RWDD2A: variants seen among roughly 807,000 people sequenced by gnomAD.
RWDD2A encodes RWD domain containing 2A, also known as RWD domain-containing protein 2A.
RWDD2A carries 15 observed loss-of-function variants against 23.1 expected under a neutral mutation model. The ratio of observed to expected loss-of-function variants is 0.65; its 90% confidence interval spans 0.43 to 1.00. The LOEUF is 1.00. Ranked by LOEUF, RWDD2A falls within the 50% of genes least tolerant of loss-of-function variation. RWDD2A has a pLI of 0.00. For synonymous variants in RWDD2A, 103 were observed against 123.0 expected (o/e 0.84, Z 1.08); for missense variants, 310 against 341.7 (o/e 0.91, Z 0.73).
At chr6:83,195,237 T>C (rs2128518772) in intron 2 of RWDD2A, among the ~76,000 whole-genome samples, 1 of 152,352 alleles carries the variant, frequency 6.6e-6, no homozygotes, top group Admixed American at 6.5e-5. Flanking sequence ...GTCCCGCTGG[T>C]TACACACTTC....
chr6:83,194,243 A>T, intron 1 of RWDD2A, 69 bp from the exon 2 acceptor site: 1 of 547,878 alleles, frequency 1.8e-6, no homozygotes, highest in South Asian at 2.5e-5. Context: ...GTTTTAGAGG[A>T]TGTTGTGCAT....
chr6:83,194,140 A>C (rs1250729029), intron 1 of RWDD2A, among the ~76,000 whole-genome samples, 172 bp from the exon 2 acceptor site: 2 of 151,422 alleles, frequency 1.3e-5, no homozygotes, highest in Non-Finnish European at 2.9e-5. Flanking sequence ...AGTTCCAAAC[A>C]CCTGTTGAAA....
At chr6:83,195,423 C>A (rs1190324878) in intron 2 of RWDD2A, 172 bp from the exon 3 acceptor site, 1 of 630,514 alleles carries the variant, frequency 1.6e-6, no homozygotes, top group Non-Finnish European at 2.7e-6. Context: ...ACCTGGCACA[C>A]GTAGTTGTTC....
chr6:83,198,629 A>G lies in RWDD2A; in HGVS notation c.*2357A>G, dbSNP rs895028292. On this transcript the variant is annotated 3_prime_UTR_variant, in exon 3 of 3. Coordinates refer to ENST00000369724, the MANE Select transcript of RWDD2A (RefSeq NM_033411.5). Reference sequence around the variant, plus strand: ...CTGTGTGATTTGGGAAGAGAAAGTGATAGGAATCAAGTTGTCCTCTGGCAG... The same window carrying G: ...CTGTGTGATTTGGGAAGAGAAAGTGGTAGGAATCAAGTTGTCCTCTGGCAG... The G allele has an allele frequency of 5.3e-5, 8 of 152,176 alleles. No individual in the cohort carries two copies. Among genetic ancestry groups the G allele is most frequent in the Non-Finnish European group, 1.0e-4 (7 of 68,046 alleles). The allele number at this position is 152,176 out of a possible 1,614,324, so 9.4% of individuals were successfully genotyped here.
rs556234966 is a variant in RWDD2A at position 83,196,378 on chromosome 6, C to T, written c.*106C>T. ...CTGTGTAGCATCCTCAGTGCAAAACCCAGCTCCAGAATTTTCACCTGGTAA... is the reference window on the plus strand; with the variant it reads ...CTGTGTAGCATCCTCAGTGCAAAACTCAGCTCCAGAATTTTCACCTGGTAA... On this transcript the variant is annotated 3_prime_UTR_variant, in exon 3 of 3. Transcript: ENST00000369724. The T allele has an allele frequency of 1.6e-5, 14 of 865,076 alleles. No homozygotes were observed. In the South Asian group the frequency reaches 3.1e-4, roughly 19 times the overall value. 53.6% of individuals were successfully genotyped at this position (865,076 alleles called of 1,614,324 possible).
Position 83,196,241 on chromosome 6 carries a change from T to A in RWDD2A, c.848T>A (p.Phe283Tyr). 2 of 1,581,990 alleles carry A rather than the reference T, an allele frequency of 1.3e-6. No homozygotes were observed. The highest frequency in any genetic ancestry group is 1.7e-6 in the Non-Finnish European group (2 of 1,166,134). ...AGTGAGCATGTTTTTCAGATACTATTTGGTATTGAAAGCAAAAGTTCAGAC... is the reference window on the plus strand; with the variant it reads ...AGTGAGCATGTTTTTCAGATACTATATGGTATTGAAAGCAAAAGTTCAGAC... Reference protein sequence around the residue: ...HKSEHVFQILFGIESKSSDS With the variant: ...HKSEHVFQILYGIESKSSDS The change falls in exon 3 of 3, where the codon TTT becomes TAT. Residue 283 changes from phenylalanine (F) to tyrosine (Y), a missense_variant. Coordinates refer to ENST00000369724, the MANE Select transcript of RWDD2A (RefSeq NM_033411.5).
In RWDD2A at chr6:83,198,794, C is replaced by G. The variant is rs1789690266; in HGVS notation, c.*2522C>G. ...CCCTTTTGTTGTCGGAAATCAGAAT[C>G]AGTCTCTATTGCTTGTAACTTAAGA... is the stretch of plus-strand genomic sequence containing the variant. On this transcript the variant is annotated 3_prime_UTR_variant, in exon 3 of 3. Coordinates refer to ENST00000369724, the MANE Select transcript of RWDD2A (RefSeq NM_033411.5). 6.6e-6 allele frequency: 1 copy of G among 152,194 alleles called. No homozygotes were observed. Among genetic ancestry groups the G allele is most frequent in the Admixed American group, 6.5e-5 (1 of 15,272 alleles). The allele number at this position is 152,194 out of a possible 1,614,324, so 9.4% of individuals were successfully genotyped here.
rs1789579503 is a variant in RWDD2A at position 83,196,093 on chromosome 6, G to A, written c.700G>A (p.Glu234Lys). 6.2e-7 allele frequency: 1 copy of A among 1,613,852 alleles called. No individual in the cohort carries two copies. Among genetic ancestry groups the A allele is most frequent in the Non-Finnish European group, 8.5e-7 (1 of 1,179,872 alleles). ...AAGCGTGGAGACAGAAGGAAATGGT[G>A]AGGACCTGCGCCTTTTCCATTCTTT... ...AESVETEGNGEDLRLFHSFEE... is the reference protein window; with the variant it reads ...AESVETEGNGKDLRLFHSFEE... Residue 234 changes from glutamate to lysine, a missense_variant, in exon 3 of 3, where the codon GAG (glutamate) becomes AAG (lysine). By Grantham distance (56) the Glu-to-Lys change is moderately conservative. Coordinates refer to ENST00000369724, the MANE Select transcript of RWDD2A (RefSeq NM_033411.5).
Position 83,194,346 on chromosome 6 carries a change from C to A in RWDD2A, c.-106C>A. 1.1e-6 allele frequency: 1 copy of A among 945,008 alleles called. No individual in the cohort carries two copies. Among genetic ancestry groups the A allele is most frequent in the Non-Finnish European group, 1.6e-6 (1 of 635,336 alleles). The allele number at this position is 945,008 out of a possible 1,614,324, so 58.5% of individuals were successfully genotyped here. On this transcript the variant is annotated 5_prime_UTR_variant, in exon 2 of 3. Coordinates refer to ENST00000369724, the MANE Select transcript of RWDD2A (RefSeq NM_033411.5). ...CAAAGCGTTCCTGCAGAATTGCTTC[C>A]ACGTAAAGGGACCTTCGGGAAATTT...
chr6:83,195,687 G>A lies in RWDD2A; in HGVS notation c.294G>A (p.Gln98=), dbSNP rs11541509. Residue 98 remains glutamine, a synonymous_variant, in exon 3 of 3, where the codon CAG becomes CAA. Coordinates refer to ENST00000369724, the MANE Select transcript of RWDD2A (RefSeq NM_033411.5). ...GGTCATCTGAACTTGACAGACATCAGCAGCTACTTCTCAACAAAGGTCTCA... is the reference window on the plus strand; with the variant it reads ...GGTCATCTGAACTTGACAGACATCAACAGCTACTTCTCAACAAAGGTCTCA... ...FGRSSELDRH[Q]QLLLNKGLTS... is the part of the protein sequence containing the mutation. The A allele has an allele frequency of 1.2e-6, 2 of 1,614,170 alleles. No homozygotes were observed. The highest frequency in any genetic ancestry group is 3.3e-5 in the Admixed American group (2 of 60,022).
At chr6:83,195,209 T>C (rs1006085265) in intron 2 of RWDD2A, among the ~76,000 whole-genome samples, 3 of 152,244 alleles carry the variant, frequency 2.0e-5, no homozygotes, top group Admixed American at 2.0e-4. Context: ...GACTTTCTGG[T>C]TCTCCAGACT....
chr6:83,196,703 A>C lies in RWDD2A; in HGVS notation c.*431A>C, dbSNP rs1004641906. 1 of 152,474 alleles carries C rather than the reference A, an allele frequency of 6.6e-6. No individual in the cohort carries two copies. The highest frequency in any genetic ancestry group is 1.5e-5 in the Non-Finnish European group (1 of 68,226). The allele number at this position is 152,474 out of a possible 1,614,324, so 9.4% of individuals were successfully genotyped here. On this transcript the variant is annotated 3_prime_UTR_variant, in exon 3 of 3. Transcript: ENST00000369724. ...ATTATTGGAAATCTAAATCAAGTTT[A>C]AAATGAGAACAGGAAGGACATGTTT...
rs1416272050 is a variant in RWDD2A, at chr6:83,195,624, T to C, written c.231T>C (p.Pro77=). ...AAATTGATTTGCAAGTGACCATGCCTCACAGCTACCCCTATGTAGCATTGC... is the reference window on the plus strand; with the variant it reads ...AAATTGATTTGCAAGTGACCATGCCCCACAGCTACCCCTATGTAGCATTGC... ...KVKIDLQVTM[P]HSYPYVALQL... The change falls in exon 3 of 3, where the codon CCT becomes CCC. Residue 77 remains proline (P), a synonymous_variant. Transcript: ENST00000369724. The C allele has an allele frequency of 6.2e-7, 1 of 1,612,468 alleles. No individual in the cohort carries two copies. Among genetic ancestry groups the C allele is most frequent in the Admixed American group, 1.7e-5 (1 of 59,966 alleles).
At chr6:83,194,715 G>C in intron 2 of RWDD2A, 63 bp downstream of exon 2, 4 of 1,188,148 alleles carry the variant, frequency 3.4e-6, no homozygotes, top group Non-Finnish European at 4.9e-6. Context: ...TCTAGAACAT[G>C]AGCTTTCTGT....
At chr6:83,195,532 G>C (rs948134106) in intron 2 of RWDD2A, 63 bp from the exon 3 acceptor site, 2 of 1,347,320 alleles carry the variant, frequency 1.5e-6, no homozygotes, top group African/African-American at 2.9e-5. Flanking sequence ...TCATGCAGTT[G>C]CTATTGATAA....
Position 83,195,735 on chromosome 6 carries a change from T to A in RWDD2A, c.342T>A (p.Asp114Glu). Residue 114 changes from aspartate (D) to glutamate (E), a missense_variant, in exon 3 of 3, where the codon GAT becomes GAA. Physicochemically the swap from Asp to Glu is conservative, Grantham distance 45. Transcript: ENST00000369724. Reference sequence around the variant, plus strand: ...TCACTTCTTACATAGGGACTTTTGATCCAGGTGAGCTCTGTGTATGTGCAG... The same window carrying A: ...TCACTTCTTACATAGGGACTTTTGAACCAGGTGAGCTCTGTGTATGTGCAG... ...KGLTSYIGTF[D>E]PGELCVCAAI... The A allele has an allele frequency of 1.2e-6, 2 of 1,614,200 alleles. No individual in the cohort carries two copies. The highest frequency in any genetic ancestry group is 1.7e-6 in the Non-Finnish European group (2 of 1,180,038).
In RWDD2A at chr6:83,196,318, T is replaced by C. The variant is rs753347552; in HGVS notation, c.*46T>C. On this transcript the variant is annotated 3_prime_UTR_variant, in exon 3 of 3. Coordinates refer to ENST00000369724, the MANE Select transcript of RWDD2A (RefSeq NM_033411.5). ...GCCTGTAATTTCACTAAGTCAGTAT[T>C]TCTGTTAATAAGACCAAATTAAAAA... The C allele has an allele frequency of 3.5e-6, 5 of 1,448,398 alleles. No individual in the cohort carries two copies. The South Asian group carries it at 7.5e-5, about 22-fold the overall frequency. The allele number at this position is 1,448,398 out of a possible 1,614,324, so 89.7% of individuals were successfully genotyped here.
At chr6:83,193,832 G>A (rs1308214566) in intron 1 of RWDD2A, 1 of 152,688 alleles carries the variant, frequency 6.5e-6, no homozygotes, top group African/African-American at 2.4e-5. Context: ...CCCTTATCCT[G>A]GGTCCCTCGG....
At position 83,194,311 on chromosome 6, in the gene RWDD2A, G is replaced by C; in HGVS notation, c.-140-1G>C. On this transcript the variant is annotated splice_acceptor_variant, in intron 1 of 2. Coordinates refer to ENST00000369724, the MANE Select transcript of RWDD2A (RefSeq NM_033411.5). LOFTEE classifies it low-confidence loss of function (5UTR_SPLICE). ...TGCAAGTGTCTGGTTTGTGCCCCTA[G>C]CTCTCGGTGCAAAGCGTTCCTGCAG... 2 of 661,510 alleles carry C rather than the reference G, an allele frequency of 3.0e-6. No individual in the cohort carries two copies. Among genetic ancestry groups the C allele is most frequent in the Admixed American group, 2.9e-5 (1 of 34,042 alleles). The allele number at this position is 661,510 out of a possible 1,614,324, so 41.0% of individuals were successfully genotyped here.
Sources: allele counts gnomAD v4.1 joint callset (sites outside exome capture counted in the v4.1 genomes callset), GRCh38; gene constraint gnomAD v4.1.1; transcripts MANE v1.5; gene names NCBI Gene and HGNC (gene_info 2026-07-23, HGNC 2026-07-21).